The following AMZ1 variants were observed in gnomAD, a reference collection of about 807,000 sequenced individuals.
AMZ1 encodes archaelysin family metallopeptidase 1, also known as archaemetzincin-1.
A neutral mutation model predicts 29.9 loss-of-function variants in AMZ1; 39 were observed. That is an observed-to-expected ratio of 1.30 (90% CI 1.01 to 1.70). The LOEUF (loss-of-function observed/expected upper bound fraction) is 1.70, where lower values mean the gene tolerates loss of function less well. AMZ1 is among the 40% of genes most tolerant of loss of function. The probability of loss-of-function intolerance (pLI) is 0.00; values close to 1 mark genes in which losing one functional copy is unlikely to be tolerated. For missense variants in AMZ1, 1,041 were observed against 680.6 expected, an observed-to-expected ratio of 1.53 and a Z score of -5.89; for synonymous variants, 458 against 304.0, an observed-to-expected ratio of 1.51 and a Z score of -5.27.
At chr7:2,696,267 T>C (rs1787716501) in intron 1 of AMZ1, among the ~76,000 whole-genome samples, 2 of 149,094 alleles carry the variant, frequency 1.3e-5, no homozygotes, top group Admixed American at 6.7e-5. Context: ...ATTTTTTTTT[T>C]TTTTTTTGAG....
intron 3 of AMZ1, among the ~76,000 whole-genome samples, chr7:2,704,953 G>C (rs1486416187): frequency 6.6e-6 from 1 of 152,154 alleles, no homozygotes; most frequent in Non-Finnish European, 1.5e-5. Flanking sequence ...GTTCAGCATT[G>C]ATGTCCATGA....
In AMZ1 at chr7:2,681,846, GAGAC is replaced by G. The variant is rs769521471; in HGVS notation, c.-219+2187_-219+2190del. Among the ~76,000 whole-genome samples, 19 of 152,284 alleles carry G rather than the reference GAGAC, an allele frequency of 1.2e-4. No individual in the cohort carries two copies. In the East Asian group the frequency reaches 1.4e-3, roughly 11 times the overall value. ...GAGAGACCAAGAACCCCAAGAGACA[GAGAC>G]AGACAGACAGAGATAGAAACTCAGA... On this transcript the variant is annotated intron_variant, in intron 1 of 6. Coordinates refer to the AMZ1 transcript ENST00000312371.
intron 4 of AMZ1, among the ~76,000 whole-genome samples, chr7:2,745,728 T>C (rs577635664): frequency 1.3e-3 from 191 of 152,216 alleles, no homozygotes; most frequent in African/African-American, 2.9e-3. Context: ...GACTGGCAAA[T>C]TGGATAAAGA....
chr7:2,709,586 G>C (rs1449798007), intron 5 of AMZ1, 54 bp from the exon 6 acceptor site: 21 of 1,572,806 alleles, frequency 1.3e-5, no homozygotes, highest in Non-Finnish European at 1.7e-5. Context: ...CTGGGGATCT[G>C]CCGGATGCAG....
intron 1 of AMZ1, among the ~76,000 whole-genome samples, chr7:2,695,507 C>G (rs542202391): frequency 2.0e-5 from 3 of 150,982 alleles, no homozygotes; most frequent in Non-Finnish European, 3.0e-5. Flanking sequence ...GCTTGAGCCT[C>G]GGAGTTCAAG....
At chr7:2,762,934 A>G (rs1298470958), upstream of AMZ1, 1 of 1,396,380 alleles carries the variant, frequency 7.2e-7, no homozygotes, top group Non-Finnish European at 9.3e-7. Context: ...GACGCCCCAG[A>G]CACTCCCGTG....
In AMZ1 at chr7:2,737,314, A is replaced by G. The variant is rs184317956; in HGVS notation, n.551-27398A>G. Among the ~76,000 whole-genome samples the G allele has an allele frequency of 3.0e-3, 292 of 95,872 alleles. 11 individuals are homozygous for G. The East Asian group carries it at 0.095, about 31-fold the overall frequency. 62.9% of individuals were successfully genotyped at this position (95,872 alleles called of 152,430 possible). Reference sequence around the variant, plus strand: ...GTTTTTTTTTTTTTTTTTGAGATGGAGTCTCGCCCTGTCGCCCCGGCTGGA... The same window carrying G: ...GTTTTTTTTTTTTTTTTTGAGATGGGGTCTCGCCCTGTCGCCCCGGCTGGA... On this transcript the variant is annotated intron_variant and non_coding_transcript_variant, in intron 4 of 4. Coordinates refer to the AMZ1 transcript ENST00000489665.
intron 4 of AMZ1, among the ~76,000 whole-genome samples, chr7:2,757,188 T>G (rs1359473588): frequency 7.6e-6 from 1 of 131,076 alleles, no homozygotes; most frequent in African/African-American, 2.9e-5. Flanking sequence ...CAGGCTGGAG[T>G]GTAGTGGCAC....
At chr7:2,697,990 A>G (rs1787840135) in intron 1 of AMZ1, among the ~76,000 whole-genome samples, 1 of 152,212 alleles carries the variant, frequency 6.6e-6, no homozygotes, top group African/African-American at 2.4e-5. Context: ...GCTGTGTCAC[A>G]TTTTCCCCAA....
At chr7:2,696,866 A>T (rs905953678) in intron 1 of AMZ1, among the ~76,000 whole-genome samples, 1 of 151,782 alleles carries the variant, frequency 6.6e-6, no homozygotes, top group Non-Finnish European at 1.5e-5. Context: ...AGCCTGGGGT[A>T]GAGGGAGACT....
Position 2,700,381 on chromosome 7 carries a change from T to A in AMZ1, c.-71T>A. ...CGAGGGAAGATTCTGGACGAGACCG[T>A]GGCCGTCCCCCGGGTGGCCCATGGA... On this transcript the variant is annotated 5_prime_UTR_variant, in exon 2 of 7. Coordinates refer to ENST00000683327, the MANE Select transcript of AMZ1 (RefSeq NM_001384743.1). The A allele has an allele frequency of 6.6e-7, 1 of 1,525,368 alleles. No individual in the cohort carries two copies. The highest frequency in any genetic ancestry group is 8.8e-7 in the Non-Finnish European group (1 of 1,136,318). The allele number at this position is 1,525,368 out of a possible 1,614,324, so 94.5% of individuals were successfully genotyped here. A position where few individuals can be genotyped will look rare whatever the true frequency, so the allele number is the denominator to read the frequency against.
intron 4 of AMZ1, among the ~76,000 whole-genome samples, chr7:2,754,582 TAAA>T (rs34822125): frequency 3.5e-4 from 50 of 143,578 alleles, no homozygotes; most frequent in African/African-American, 1.1e-3. Context: ...ATCTCTACTT[TAAA>T]AAAAAAAAAA....
chr7:2,686,300 A>G (rs775001031), upstream of AMZ1, among the ~76,000 whole-genome samples: 3 of 152,148 alleles, frequency 2.0e-5, no homozygotes, highest in Non-Finnish European at 2.9e-5. Flanking sequence ...TGGGAGGCCG[A>G]GCTGGGAGGG....
intron 4 of AMZ1, among the ~76,000 whole-genome samples, chr7:2,736,654 A>C (rs1349942401): frequency 6.6e-6 from 1 of 152,222 alleles, no homozygotes; most frequent in African/African-American, 2.4e-5. Flanking sequence ...CACGCCCATG[A>C]GGAGACCGCC....
intron 6 of AMZ1, among the ~76,000 whole-genome samples, chr7:2,710,940 G>A (rs1303301368): frequency 6.6e-6 from 1 of 152,186 alleles, no homozygotes; most frequent in Non-Finnish European, 1.5e-5. Flanking sequence ...ACAGGCACAG[G>A]GGCAGCTTGG....
At chr7:2,694,948 C>G (rs1787617951) in intron 1 of AMZ1, among the ~76,000 whole-genome samples, 2 of 152,320 alleles carry the variant, frequency 1.3e-5, no homozygotes, top group South Asian at 4.1e-4. Flanking sequence ...GCTGGGATTC[C>G]AGGCGTGAGC....
intron 4 of AMZ1, among the ~76,000 whole-genome samples, chr7:2,744,153 G>C (rs1410928078): frequency 6.6e-6 from 1 of 152,240 alleles, no homozygotes; most frequent in Non-Finnish European, 1.5e-5. Flanking sequence ...GTCCCCGTCT[G>C]ACAGCTTTGA....
At chr7:2,696,465 G>T (rs868167789) in intron 1 of AMZ1, among the ~76,000 whole-genome samples, 2 of 149,590 alleles carry the variant, frequency 1.3e-5, no homozygotes, top group South Asian at 2.2e-4. Flanking sequence ...CACCATGTTA[G>T]CCAGGATGGT....
intron 6 of AMZ1, among the ~76,000 whole-genome samples, chr7:2,711,779 C>G (rs1043656079): frequency 2.0e-5 from 3 of 151,722 alleles, no homozygotes; most frequent in Non-Finnish European, 4.4e-5. Context: ...TGCCGTGGCT[C>G]ACACCTGTAA....
Sources: gnomAD v4.1 joint callset for allele counts (sites outside exome capture counted in the v4.1 genomes callset) on GRCh38, gnomAD v4.1.1 for gene constraint, MANE v1.5 for transcripts, NCBI Gene and HGNC (gene_info 2026-07-23, HGNC 2026-07-21) for gene names.